Variants in SLC35F1 observed in about 807,000 individuals in gnomAD.
SLC35F1 encodes the protein chromosome 6 open reading frame 169.
SLC35F1 carries 14 observed loss-of-function variants against 48.7 expected under a neutral mutation model. That is an observed-to-expected ratio of 0.29 (90% CI 0.19 to 0.45). SLC35F1 has a LOEUF of 0.45. Ranked by LOEUF, SLC35F1 falls within the 20% of genes least tolerant of loss-of-function variation. The pLI, the probability that SLC35F1 is intolerant of heterozygous loss-of-function variation, is 1.00. For missense variants in SLC35F1, 404 were observed against 500.0 expected, an observed-to-expected ratio of 0.81 and a Z score of 1.83; for synonymous variants, 190 against 202.2, an observed-to-expected ratio of 0.94 and a Z score of 0.51.
chr6:118,045,542 C>T (rs2114905458), intron 1 of SLC35F1, among the ~76,000 whole-genome samples: 1 of 152,236 alleles, frequency 6.6e-6, no homozygotes, highest in East Asian at 1.9e-4. Context: ...TCTGAACTTG[C>T]CTCTCACACT....
chr6:117,980,911 C>A (rs1405899366), intron 1 of SLC35F1, among the ~76,000 whole-genome samples: 1 of 152,010 alleles, frequency 6.6e-6, no homozygotes, highest in African/African-American at 2.4e-5. Flanking sequence ...CAACAGGGAA[C>A]CCTGGGTGAT....
intron 1 of SLC35F1, among the ~76,000 whole-genome samples, chr6:117,930,881 G>C (rs757917461): frequency 1.3e-5 from 2 of 152,176 alleles, no homozygotes; most frequent in Non-Finnish European, 2.9e-5. Context: ...CAGCACTAAA[G>C]AGTTCTCCAG....
intron 1 of SLC35F1, among the ~76,000 whole-genome samples, chr6:118,100,989 T>G (rs567402418): frequency 6.6e-6 from 1 of 152,308 alleles, no homozygotes; most frequent in Admixed American, 6.5e-5. Flanking sequence ...CCCAGGAACT[T>G]GGGACAAACG....
At chr6:117,924,737 T>A (rs2760231) in intron 1 of SLC35F1, among the ~76,000 whole-genome samples, 150,312 of 152,176 alleles carry the variant, frequency 0.99, 74,248 homozygotes, top group East Asian at 1. Flanking sequence ...TCCAGTGTGA[T>A]GTGATAGAAA....
chr6:118,249,985 T>C (rs1243174266), intron 3 of SLC35F1, among the ~76,000 whole-genome samples: 6 of 152,196 alleles, frequency 3.9e-5, no homozygotes, highest in Non-Finnish European at 8.8e-5. Flanking sequence ...TAAGTAGATT[T>C]ATACAGTACA....
intron 1 of SLC35F1, among the ~76,000 whole-genome samples, chr6:118,119,502 T>TCCC (rs1183589970): frequency 3.4e-5 from 3 of 88,162 alleles, no homozygotes; most frequent in East Asian, 4.7e-4. Context: ...GCGCCCCCCC[T>TCCC]CCACCCCGCT....
At chr6:118,145,184 A>C (rs1195873244) in intron 1 of SLC35F1, among the ~76,000 whole-genome samples, 1 of 152,156 alleles carries the variant, frequency 6.6e-6, no homozygotes, top group Non-Finnish European at 1.5e-5. Context: ...GTCTTTGTGG[A>C]TTGACCTGTG....
At position 117,907,735 on chromosome 6, in the gene SLC35F1, C is replaced by T; in HGVS notation, c.9C>T (p.Pro3=). Reference sequence around the variant, plus strand: ...CCTCAGCCTCTGCCGCGATGATCCCCCCTGAGCAGCCGCAGCAGCAGCTGC... The same window carrying T: ...CCTCAGCCTCTGCCGCGATGATCCCTCCTGAGCAGCCGCAGCAGCAGCTGC... The part of the protein sequence containing the change: MI[P]PEQPQQQLQP... Residue 3 remains proline, a synonymous_variant, in exon 1 of 8, where the codon CCC becomes CCT. Transcript: ENST00000360388. 1 of 1,539,522 alleles carries T rather than the reference C, an allele frequency of 6.5e-7. No individual in the cohort carries two copies. The highest frequency in any genetic ancestry group is 8.7e-7 in the Non-Finnish European group (1 of 1,148,302).
chr6:118,149,546 C>T (rs1331346396), intron 1 of SLC35F1, among the ~76,000 whole-genome samples: 1 of 152,146 alleles, frequency 6.6e-6, no homozygotes, highest in Non-Finnish European at 1.5e-5. Flanking sequence ...CAGGAACTAG[C>T]TCAGATGTGC....
At chr6:118,182,564 A>AAGGAAGGAAGGAAGGAAG (rs1562317879) in intron 2 of SLC35F1, among the ~76,000 whole-genome samples, 1 of 60,590 alleles carries the variant, frequency 1.7e-5, no homozygotes, top group Non-Finnish European at 4.3e-5. Context: ...AGGAAGGAAG[A>AAGGAAGGAAGGAAGGAAG]AAAAAAGAAA....
At chr6:118,014,865 A>G (rs1206566078) in intron 1 of SLC35F1, among the ~76,000 whole-genome samples, 1 of 152,158 alleles carries the variant, frequency 6.6e-6, no homozygotes, top group African/African-American at 2.4e-5. Context: ...GCTCACCTAT[A>G]TGGGCTGGCA....
rs139731254 is a variant in SLC35F1, at chr6:117,988,319, TC to T, written c.173+80423del. Among the ~76,000 whole-genome samples, 158 of 152,282 alleles carry T rather than the reference TC, an allele frequency of 1.0e-3. 2 individuals are homozygous for T. In the East Asian group the frequency reaches 0.027, roughly 26 times the overall value. On this transcript the variant is annotated intron_variant, in intron 1 of 7. Transcript: ENST00000360388. ...GGTGGACTTTCTGCTTGTAGTCACT[TC>T]CCTTATATCCCAGAGCAGCAAACCC...
chr6:118,131,303 G>A (rs576930919), intron 1 of SLC35F1, among the ~76,000 whole-genome samples: 11 of 152,194 alleles, frequency 7.2e-5, no homozygotes, highest in African/African-American at 2.6e-4. Flanking sequence ...TCAAAGCACA[G>A]AAACAATTTT....
At chr6:118,139,484 G>T (rs1312015681) in intron 1 of SLC35F1, among the ~76,000 whole-genome samples, 1 of 152,158 alleles carries the variant, frequency 6.6e-6, no homozygotes, top group Non-Finnish European at 1.5e-5. Flanking sequence ...TTATGGAGTA[G>T]ACATGCAGAA....
chr6:117,917,502 C>T (rs1283921281), intron 1 of SLC35F1, among the ~76,000 whole-genome samples: 1 of 145,494 alleles, frequency 6.9e-6, no homozygotes, highest in African/African-American at 2.5e-5. Flanking sequence ...GTGGTTTGCA[C>T]TGGGAGGTGG....
intron 2 of SLC35F1, among the ~76,000 whole-genome samples, chr6:118,175,641 T>A (rs2114502118): frequency 6.6e-6 from 1 of 152,270 alleles, no homozygotes; most frequent in South Asian, 2.1e-4. Flanking sequence ...TTGATCAGCC[T>A]CACCTTCACA....
At chr6:117,930,228 G>A (rs772567799) in intron 1 of SLC35F1, among the ~76,000 whole-genome samples, 1 of 152,166 alleles carries the variant, frequency 6.6e-6, no homozygotes, top group Non-Finnish European at 1.5e-5. Context: ...TCCAAGTTAC[G>A]TGGATCCAGG....
chr6:118,216,763 G>T (rs1360738578), intron 2 of SLC35F1, among the ~76,000 whole-genome samples: 1 of 152,152 alleles, frequency 6.6e-6, no homozygotes, highest in Non-Finnish European at 1.5e-5. Context: ...GAGGTGTATA[G>T]ATTGCAAAAG....
In SLC35F1 at chr6:118,267,101, G is replaced by C. The variant is rs771778082; in HGVS notation, c.584G>C (p.Gly195Ala). Residue 195 changes from glycine (G) to alanine (A), a missense_variant, in exon 4 of 8, where the codon GGA (glycine) becomes GCA (alanine). Gly to Ala is a moderately conservative substitution (Grantham distance 60). Transcript: ENST00000360388. ...ATCGGCATCGTTGTCTGCATCCTGGGAATGGGCTGCATGGTGGGAGCAGAT... is the reference window on the plus strand; with the variant it reads ...ATCGGCATCGTTGTCTGCATCCTGGCAATGGGCTGCATGGTGGGAGCAGAT... ...HFIGIVVCIL[G>A]MGCMVGADVL... The C allele has an allele frequency of 2.5e-6, 4 of 1,614,050 alleles. No homozygotes were observed. The South Asian group carries it at 4.4e-5, about 18-fold the overall frequency.
Sources: allele counts gnomAD v4.1 joint callset (sites outside exome capture counted in the v4.1 genomes callset), GRCh38; gene constraint gnomAD v4.1.1; transcripts MANE v1.5; gene names NCBI Gene and HGNC (gene_info 2026-07-23, HGNC 2026-07-21).